The following CPE variants were observed in gnomAD, a reference collection of about 807,000 sequenced individuals.
The protein encoded by CPE is carboxypeptidase E.
A neutral mutation model predicts 53.5 loss-of-function variants in CPE; 17 were observed. That is an observed-to-expected ratio of 0.32 (90% confidence interval 0.22 to 0.48). The LOEUF (loss-of-function observed/expected upper bound fraction) is 0.48, where lower values mean the gene tolerates loss of function less well. Ranked by LOEUF, CPE falls within the 20% of genes least tolerant of loss-of-function variation. The probability of loss-of-function intolerance (pLI) is 0.99; values close to 1 mark genes in which losing one functional copy is unlikely to be tolerated. For synonymous variants in CPE, 226 were observed against 228.8 expected, an observed-to-expected ratio of 0.99 and a Z score of 0.11; for missense variants, 524 against 614.7, an observed-to-expected ratio of 0.85 and a Z score of 1.56.
chr4:165,482,216 A>C, intron 3 of CPE, 26 bp from the exon 4 acceptor site: 1 of 1,435,198 alleles, frequency 7.0e-7, no homozygotes, highest in Non-Finnish European at 9.7e-7. Context: ...TAAATTTATA[A>C]TCCTTTTAAT....
intron 4 of CPE, 45 bp downstream of exon 4, chr4:165,482,404 A>C: frequency 7.5e-7 from 1 of 1,336,068 alleles, no homozygotes; most frequent in South Asian, 1.2e-5. Context: ...AGTTTATAAC[A>C]CTGTACAAGG....
chr4:165,424,077 G>T (rs75846434), intron 1 of CPE, among the ~76,000 whole-genome samples: 44,629 of 151,406 alleles, frequency 0.29, 6,643 homozygotes, highest in Middle Eastern at 0.39. Context: ...TTTGATTATT[G>T]CCTACTTAGA....
intron 1 of CPE, among the ~76,000 whole-genome samples, chr4:165,387,852 C>T (rs1402512740): frequency 6.6e-6 from 1 of 152,102 alleles, no homozygotes; most frequent in Non-Finnish European, 1.5e-5. Flanking sequence ...GAACTTCTGA[C>T]CTCAGGGGAT....
At chr4:165,429,104 A>G (rs1296994493) in intron 1 of CPE, among the ~76,000 whole-genome samples, 1 of 152,164 alleles carries the variant, frequency 6.6e-6, no homozygotes, top group Admixed American at 6.5e-5. Context: ...GCTTAATAAC[A>G]ATCATCATTT....
At chr4:165,407,643 G>A (rs1404757952) in intron 1 of CPE, among the ~76,000 whole-genome samples, 5 of 151,980 alleles carry the variant, frequency 3.3e-5, no homozygotes, top group African/African-American at 1.2e-4. Flanking sequence ...CACCTCCGAG[G>A]TTCAAGCAAT....
At chr4:165,447,581 AAAAG>A (rs1731738787) in intron 1 of CPE, among the ~76,000 whole-genome samples, 1 of 149,196 alleles carries the variant, frequency 6.7e-6, no homozygotes, top group African/African-American at 2.5e-5. Flanking sequence ...TAAAAAAAAA[AAAAG>A]AAAAGAAAAG....
chr4:165,396,822 G>A (rs1453842280), intron 1 of CPE, among the ~76,000 whole-genome samples: 2 of 151,514 alleles, frequency 1.3e-5, no homozygotes, highest in African/African-American at 4.9e-5. Context: ...TTGAGCTGGG[G>A]AGTTTGAGAC....
chr4:165,420,069 A>G (rs569097157), intron 1 of CPE, among the ~76,000 whole-genome samples: 13 of 152,034 alleles, frequency 8.6e-5, no homozygotes, highest in Admixed American at 2.0e-4. Context: ...GTAGCCTTAT[A>G]TGTGTGACTG....
chr4:165,477,889 T>G (rs1275727109), intron 3 of CPE, among the ~76,000 whole-genome samples: 1 of 152,186 alleles, frequency 6.6e-6, no homozygotes, highest in Non-Finnish European at 1.5e-5. Flanking sequence ...CATGCTCTCC[T>G]TGTTCTTCTG....
At chr4:165,445,079 C>T (rs543069180) in intron 1 of CPE, among the ~76,000 whole-genome samples, 94 of 152,224 alleles carry the variant, frequency 6.2e-4, no homozygotes, top group Middle Eastern at 6.8e-3. Context: ...GCCTCAGCCT[C>T]CCAGGTAGCT....
At chr4:165,461,165 T>TAAAAAA (rs1731992026) in intron 1 of CPE, among the ~76,000 whole-genome samples, 1 of 9,894 alleles carries the variant, frequency 1.0e-4, no homozygotes, top group Non-Finnish European at 1.8e-4. Context: ...AGCCTCTGCC[T>TAAAAAA]CAAAAAAAAA....
chr4:165,394,665 A>G (rs1730735706), intron 1 of CPE, among the ~76,000 whole-genome samples: 1 of 147,272 alleles, frequency 6.8e-6, no homozygotes, highest in African/African-American at 2.7e-5. Flanking sequence ...TCTTGGGCCC[A>G]GTAGTTCGAG....
chr4:165,411,229 T>A (rs948653722), intron 1 of CPE, among the ~76,000 whole-genome samples: 73 of 152,296 alleles, frequency 4.8e-4, no homozygotes, highest in African/African-American at 1.7e-3. Context: ...AAAGGGAGGT[T>A]TTTTAGTCGC....
intron 1 of CPE, among the ~76,000 whole-genome samples, chr4:165,455,333 G>A (rs1731882488): frequency 6.6e-6 from 1 of 151,996 alleles, no homozygotes; most frequent in African/African-American, 2.4e-5. Context: ...TATCTTATTT[G>A]ATAAGAATAT....
At chr4:165,457,145 A>G (rs1034321388) in intron 1 of CPE, among the ~76,000 whole-genome samples, 2 of 152,150 alleles carry the variant, frequency 1.3e-5, no homozygotes. Flanking sequence ...ATCTATCCCA[A>G]ATAATTGCTT....
intron 1 of CPE, among the ~76,000 whole-genome samples, chr4:165,412,272 A>G (rs1253556617): frequency 3.3e-5 from 5 of 152,224 alleles, no homozygotes; most frequent in African/African-American, 1.2e-4. Context: ...GATTTTTAAA[A>G]ATATGATTTT....
At chr4:165,480,795 C>T (rs1365735911) in intron 3 of CPE, among the ~76,000 whole-genome samples, 2 of 151,750 alleles carry the variant, frequency 1.3e-5, no homozygotes, top group Admixed American at 1.3e-4. Context: ...AAAAGGTGTT[C>T]ATTATCTGTT....
At chr4:165,380,532 T>C (rs532160322) in intron 1 of CPE, among the ~76,000 whole-genome samples, 1 of 152,322 alleles carries the variant, frequency 6.6e-6, no homozygotes, top group South Asian at 2.1e-4. Flanking sequence ...AAGGTACAGC[T>C]AAAGTAATCT....
chr4:165,477,810 A>G (rs1208824511), intron 3 of CPE, among the ~76,000 whole-genome samples: 1 of 151,986 alleles, frequency 6.6e-6, no homozygotes, highest in Non-Finnish European at 1.5e-5. Context: ...GGTGGTGGGA[A>G]GGAAGTTCAT....
Sources: gnomAD v4.1 joint callset for allele counts (sites outside exome capture counted in the v4.1 genomes callset) on GRCh38, gnomAD v4.1.1 for gene constraint, MANE v1.5 for transcripts, NCBI Gene and HGNC (gene_info 2026-07-23, HGNC 2026-07-21) for gene names.